Variants in IMMP2L observed in about 807,000 individuals in gnomAD.
IMMP2L encodes mitochondrial inner membrane protease subunit 2.
IMMP2L carries 18 observed loss-of-function variants against 19.3 expected under a neutral mutation model. The ratio of observed to expected loss-of-function variants is 0.93; its 90% CI spans 0.64 to 1.38. The LOEUF is 1.38. Among genes scored for constraint, IMMP2L ranks in the 40% most tolerant of loss-of-function variants. The probability of loss-of-function intolerance (pLI) is 0.00; values close to 1 mark genes in which losing one functional copy is unlikely to be tolerated. For synonymous variants in IMMP2L, 76 were observed against 73.0 expected, an observed-to-expected ratio of 1.04 and a Z score of -0.21; for missense variants, 233 against 218.2, an observed-to-expected ratio of 1.07 and a Z score of -0.43.
chr7:111,072,707 A>G (rs1440860664), intron 3 of IMMP2L, among the ~76,000 whole-genome samples: 2 of 152,128 alleles, frequency 1.3e-5, no homozygotes, highest in Non-Finnish European at 2.9e-5. Context: ...CACCCTGATT[A>G]ACACAGTGAA....
At chr7:110,993,222 A>C (rs563383343) in intron 3 of IMMP2L, among the ~76,000 whole-genome samples, 52 of 152,094 alleles carry the variant, frequency 3.4e-4, no homozygotes, top group Non-Finnish European at 6.8e-4. Flanking sequence ...TGTTTGAATG[A>C]TTGAAATGAA....
At chr7:110,849,032 C>T (rs1050845428) in intron 5 of IMMP2L, among the ~76,000 whole-genome samples, 1 of 151,998 alleles carries the variant, frequency 6.6e-6, no homozygotes, top group Non-Finnish European at 1.5e-5. Context: ...ATAGAATGTA[C>T]ACAACCAAGA....
chr7:111,409,477 AG>A (rs1355009973), intron 3 of IMMP2L, among the ~76,000 whole-genome samples: 1 of 151,866 alleles, frequency 6.6e-6, no homozygotes, highest in Non-Finnish European at 1.5e-5. Context: ...CATTTTTAAA[AG>A]AAGCTGTACA....
intron 3 of IMMP2L, among the ~76,000 whole-genome samples, chr7:111,048,831 A>T (rs2096818672): frequency 6.6e-6 from 1 of 152,262 alleles, no homozygotes; most frequent in South Asian, 2.1e-4. Context: ...CTGAGCATCT[A>T]TCTTCTGCAA....
At chr7:111,171,139 T>C (rs1806399361) in intron 3 of IMMP2L, among the ~76,000 whole-genome samples, 1 of 143,934 alleles carries the variant, frequency 6.9e-6, no homozygotes, top group South Asian at 2.3e-4. Flanking sequence ...GCAATCAGCT[T>C]TTCTTCATGA....
At chr7:111,281,190 GA>G (rs1376827552) in intron 3 of IMMP2L, among the ~76,000 whole-genome samples, 2 of 59,646 alleles carry the variant, frequency 3.4e-5, no homozygotes, top group East Asian at 1.1e-3. Flanking sequence ...AAGAAAGAAA[GA>G]AAGAAAGAAA....
intron 5 of IMMP2L, among the ~76,000 whole-genome samples, chr7:110,830,839 G>A (rs1261632538): frequency 6.6e-6 from 1 of 152,058 alleles, no homozygotes; most frequent in Non-Finnish European, 1.5e-5. Flanking sequence ...GGCATTTTGA[G>A]CCTTACCAGT....
At chr7:111,129,351 C>T (rs530868123) in intron 3 of IMMP2L, among the ~76,000 whole-genome samples, 5 of 151,436 alleles carry the variant, frequency 3.3e-5, no homozygotes, top group Non-Finnish European at 4.4e-5. Flanking sequence ...AAGTTTCCCA[C>T]GACATTATAG....
At chr7:111,333,048 C>T (rs977395629) in intron 3 of IMMP2L, among the ~76,000 whole-genome samples, 3 of 151,996 alleles carry the variant, frequency 2.0e-5, no homozygotes, top group African/African-American at 7.2e-5. Context: ...CCAGTCAGGG[C>T]TACAAATAGC....
chr7:110,828,905 A>G (rs1803725666), intron 5 of IMMP2L, among the ~76,000 whole-genome samples: 1 of 152,158 alleles, frequency 6.6e-6, no homozygotes, highest in Non-Finnish European at 1.5e-5. Flanking sequence ...CCTAAATGAT[A>G]TTTCTGAATC....
At chr7:111,003,807 TG>T (rs1360441770) in intron 3 of IMMP2L, among the ~76,000 whole-genome samples, 1 of 152,090 alleles carries the variant, frequency 6.6e-6, no homozygotes, top group African/African-American at 2.4e-5. Context: ...ACACTCTACC[TG>T]GCTGATTTAA....
At chr7:111,211,808 A>C (rs1247852275) in intron 3 of IMMP2L, among the ~76,000 whole-genome samples, 1 of 152,080 alleles carries the variant, frequency 6.6e-6, no homozygotes, top group Non-Finnish European at 1.5e-5. Flanking sequence ...CCTGGCTAAC[A>C]CGGTGAAACC....
intron 3 of IMMP2L, among the ~76,000 whole-genome samples, chr7:111,015,342 A>G (rs1825390668): frequency 6.6e-6 from 1 of 152,318 alleles, no homozygotes; most frequent in African/African-American, 2.4e-5. Flanking sequence ...TAAATGAGGT[A>G]TCTAAACTAG....
At chr7:111,409,591 G>C (rs563139658) in intron 3 of IMMP2L, among the ~76,000 whole-genome samples, 1 of 151,388 alleles carries the variant, frequency 6.6e-6, no homozygotes, top group South Asian at 2.1e-4. Context: ...GTATAACCTT[G>C]GTTAAATAAT....
intron 3 of IMMP2L, among the ~76,000 whole-genome samples, chr7:110,976,018 T>A (rs1199635818): frequency 6.6e-6 from 1 of 152,052 alleles, no homozygotes; most frequent in Non-Finnish European, 1.5e-5. Context: ...GCAATGATTA[T>A]CTAAATGTGA....
intron 3 of IMMP2L, among the ~76,000 whole-genome samples, chr7:111,040,326 T>A (rs2129570774): frequency 6.6e-6 from 1 of 152,300 alleles, no homozygotes; most frequent in East Asian, 1.9e-4. Flanking sequence ...TGACCAATAA[T>A]ATTTTACAGG....
At chr7:111,182,696 G>A (rs1807841860) in intron 3 of IMMP2L, among the ~76,000 whole-genome samples, 1 of 151,906 alleles carries the variant, frequency 6.6e-6, no homozygotes, top group Admixed American at 6.6e-5. Flanking sequence ...AGAATGTGAT[G>A]TGAAATCTAA....
rs540240432 is a variant in IMMP2L at position 111,307,590 on chromosome 7, A to G, written c.239+179648T>C. ...TTGCATAAAAACAATATACCATTAT[A>G]AAATATAATTACATACATTTTATAT... is the stretch of plus-strand genomic sequence containing the variant. On this transcript the variant is annotated intron_variant, in intron 3 of 5. Coordinates refer to ENST00000405709, the MANE Select transcript of IMMP2L (RefSeq NM_032549.4). Among the ~76,000 whole-genome samples the G allele has an allele frequency of 9.9e-5, 15 of 151,758 alleles. No homozygotes were observed. The South Asian group carries it at 3.1e-3, about 31-fold the overall frequency.
intron 3 of IMMP2L, among the ~76,000 whole-genome samples, chr7:111,015,142 C>A (rs1449250403): frequency 1.3e-5 from 2 of 152,098 alleles, no homozygotes; most frequent in African/African-American, 4.8e-5. Flanking sequence ...AGCCAAGAGA[C>A]AGAAGCAACC....
Sources: allele counts gnomAD v4.1 joint callset (sites outside exome capture counted in the v4.1 genomes callset), GRCh38; gene constraint gnomAD v4.1.1; transcripts MANE v1.5; gene names NCBI Gene and HGNC (gene_info 2026-07-23, HGNC 2026-07-21).